The following TOM1L2 variants were observed in gnomAD, a reference collection of about 807,000 sequenced individuals.
TOM1L2 encodes target of myb1 like 2 membrane trafficking protein, also known as TOM1-like protein 2.
Under a neutral mutation model 67.9 loss-of-function variants are expected in TOM1L2, and 31 were observed. That is an observed-to-expected ratio of 0.46 (90% confidence interval 0.34 to 0.62). TOM1L2 has a LOEUF of 0.62. Among genes scored for constraint, TOM1L2 ranks in the 20% least tolerant of loss-of-function variants. The pLI is 0.01. For missense variants in TOM1L2, 606 were observed against 663.5 expected, an observed-to-expected ratio of 0.91 and a Z score of 0.95; for synonymous variants, 256 against 254.0, an observed-to-expected ratio of 1.01 and a Z score of -0.07.
chr17:17,850,198 C>T (rs2035880236), intron 13 of TOM1L2, among the ~76,000 whole-genome samples: 1 of 152,208 alleles, frequency 6.6e-6, no homozygotes, highest in Non-Finnish European at 1.5e-5. Context: ...TGCACTTCTT[C>T]ATCCGCCACC....
chr17:17,917,692 GCCT>G (rs1315898369), intron 1 of TOM1L2, among the ~76,000 whole-genome samples: 1 of 151,946 alleles, frequency 6.6e-6, no homozygotes, highest in Non-Finnish European at 1.5e-5. Context: ...GCCAGCTCAT[GCCT>G]GTAAATCCCA....
chr17:17,856,389 G>A (rs1489308056), intron 12 of TOM1L2, among the ~76,000 whole-genome samples: 2 of 152,286 alleles, frequency 1.3e-5, no homozygotes, highest in Non-Finnish European at 2.9e-5. Flanking sequence ...ACTATGAGAG[G>A]TGGCAGGAGA....
intron 12 of TOM1L2, among the ~76,000 whole-genome samples, chr17:17,860,997 T>C (rs2036527660): frequency 6.6e-6 from 1 of 152,206 alleles, no homozygotes. Flanking sequence ...CAGTGACAAA[T>C]GGCCATCAGA....
chr17:17,941,868 T>C (rs1352356356), intron 1 of TOM1L2, among the ~76,000 whole-genome samples: 10 of 152,186 alleles, frequency 6.6e-5, no homozygotes, highest in African/African-American at 2.4e-4. Context: ...CATGCACCTA[T>C]AGTCCCTGCT....
At position 17,846,990 on chromosome 17, in the gene TOM1L2, G is replaced by C. The variant is rs1386340795; in HGVS notation, c.*645C>G. 1 of 152,398 alleles carries C rather than the reference G, an allele frequency of 6.6e-6. No homozygotes were observed. The highest frequency in any genetic ancestry group is 2.4e-5 in the African/African-American group (1 of 41,444). The allele number at this position is 152,398 out of a possible 1,614,324, so 9.4% of individuals were successfully genotyped here. ...TGCAGGGACCCTCGGTGCCAGGCTC[G>C]GCTGCTGAGCCAGCTTGGGTGTGAA... On this transcript the variant is annotated 3_prime_UTR_variant, in exon 15 of 15. Coordinates refer to ENST00000379504, the MANE Select transcript of TOM1L2 (RefSeq NM_001082968.2).
At chr17:17,965,080 C>A (rs1458842700) in intron 1 of TOM1L2, among the ~76,000 whole-genome samples, 1 of 152,098 alleles carries the variant, frequency 6.6e-6, no homozygotes, top group African/African-American at 2.4e-5. Context: ...CTGACATCCC[C>A]CCTCCTTCCC....
intron 1 of TOM1L2, among the ~76,000 whole-genome samples, chr17:17,968,018 C>T (rs139863160): frequency 3.3e-5 from 5 of 152,300 alleles, no homozygotes; most frequent in South Asian, 2.1e-4. Flanking sequence ...TGGTCTTAGC[C>T]GCTAACTTGA....
intron 1 of TOM1L2, among the ~76,000 whole-genome samples, chr17:17,925,341 T>A (rs1048118203): frequency 1.3e-5 from 2 of 152,092 alleles, no homozygotes; most frequent in African/African-American, 4.8e-5. Flanking sequence ...AACATGCATA[T>A]GGATAATGCC....
At chr17:17,965,348 T>A (rs2041838039) in intron 1 of TOM1L2, among the ~76,000 whole-genome samples, 1 of 152,080 alleles carries the variant, frequency 6.6e-6, no homozygotes, top group South Asian at 2.1e-4. Flanking sequence ...ATCACTCCCC[T>A]TTGCTAGGCA....
intron 4 of TOM1L2, among the ~76,000 whole-genome samples, chr17:17,889,032 C>T (rs1238046671): frequency 6.6e-6 from 1 of 152,202 alleles, no homozygotes; most frequent in African/African-American, 2.4e-5. Context: ...TGTCTTTCCT[C>T]CCATCCTCCC....
chr17:17,935,252 G>A (rs1452457735), intron 1 of TOM1L2, among the ~76,000 whole-genome samples: 1 of 152,214 alleles, frequency 6.6e-6, no homozygotes, highest in African/African-American at 2.4e-5. Flanking sequence ...TGTGAGTCAG[G>A]TCTAGGGAGG....
At chr17:17,934,088 A>C (rs2040429681) in intron 1 of TOM1L2, among the ~76,000 whole-genome samples, 1 of 152,232 alleles carries the variant, frequency 6.6e-6, no homozygotes, top group Admixed American at 6.5e-5. Context: ...AAATCAAGAC[A>C]CAAACTAGTA....
At chr17:17,965,978 G>A (rs1231552823) in intron 1 of TOM1L2, among the ~76,000 whole-genome samples, 4 of 152,110 alleles carry the variant, frequency 2.6e-5, no homozygotes, top group East Asian at 1.9e-4. Flanking sequence ...AAAATTAGCC[G>A]GGCATGATGG....
intron 1 of TOM1L2, among the ~76,000 whole-genome samples, chr17:17,961,312 C>G (rs73303812): frequency 0.016 from 2,474 of 152,248 alleles, 76 homozygotes; most frequent in African/African-American, 0.056. Context: ...AATCCCAACA[C>G]TTTGGGAGGC....
intron 4 of TOM1L2, among the ~76,000 whole-genome samples, chr17:17,888,164 C>T (rs1275403798): frequency 6.6e-6 from 1 of 152,188 alleles, no homozygotes; most frequent in African/African-American, 2.4e-5. Context: ...GGGCCTGTCA[C>T]AGGAGCTAGC....
intron 3 of TOM1L2, among the ~76,000 whole-genome samples, chr17:17,895,433 G>A (rs959235002): frequency 5.9e-5 from 9 of 152,206 alleles, no homozygotes; most frequent in Admixed American, 2.0e-4. Context: ...GTAAAGAAAG[G>A]TCCATAACTG....
At chr17:17,909,167 C>A (rs2039230662) in intron 1 of TOM1L2, among the ~76,000 whole-genome samples, 1 of 152,078 alleles carries the variant, frequency 6.6e-6, no homozygotes, top group South Asian at 2.1e-4. Context: ...GGCGACAGAG[C>A]CAGACTCCGT....
chr17:17,964,732 C>T (rs1039380311), intron 1 of TOM1L2, among the ~76,000 whole-genome samples: 12 of 151,818 alleles, frequency 7.9e-5, no homozygotes, highest in African/African-American at 1.5e-4. Context: ...CCAGCCTGGG[C>T]GACAAAGCAA....
intron 10 of TOM1L2, 120 bp from the exon 11 acceptor site, chr17:17,862,968 C>CG: frequency 4.7e-6 from 1 of 211,870 alleles, no homozygotes. Flanking sequence ...GAGGGTGGGG[C>CG]GGGACTTTCC....
Sources: gnomAD v4.1 joint callset for allele counts (sites outside exome capture counted in the v4.1 genomes callset) on GRCh38, gnomAD v4.1.1 for gene constraint, MANE v1.5 for transcripts, NCBI Gene and HGNC (gene_info 2026-07-23, HGNC 2026-07-21) for gene names.